Variants in LMNTD1 observed in about 807,000 individuals in gnomAD.
LMNTD1 encodes the protein lamin tail domain-containing protein 1.
A neutral mutation model predicts 50.9 loss-of-function variants in LMNTD1; 35 were observed. The ratio of observed to expected loss-of-function variants is 0.69; its 90% CI spans 0.53 to 0.91. The LOEUF (loss-of-function observed/expected upper bound fraction) is 0.91, where lower values mean the gene tolerates loss of function less well. Ranked by LOEUF, LMNTD1 falls within the 40% of genes least tolerant of loss-of-function variation. The pLI, the probability that LMNTD1 is intolerant of heterozygous loss-of-function variation, is 0.00. For missense variants in LMNTD1, 470 were observed against 475.5 expected (o/e 0.99, Z 0.11); for synonymous variants, 153 against 161.9 (o/e 0.94, Z 0.42).
chr12:25,507,909 C>T (rs1004432427), intron 8 of LMNTD1, among the ~76,000 whole-genome samples: 3 of 152,184 alleles, frequency 2.0e-5, no homozygotes, highest in Non-Finnish European at 4.4e-5. Flanking sequence ...TCCCAAGACA[C>T]TGCAACATAA....
At chr12:25,539,954 C>A (rs1302761994) in intron 4 of LMNTD1, among the ~76,000 whole-genome samples, 1 of 151,494 alleles carries the variant, frequency 6.6e-6, no homozygotes, top group African/African-American at 2.4e-5. Context: ...CACCTCTACA[C>A]AAATAAACTA....
intron 1 of LMNTD1, among the ~76,000 whole-genome samples, chr12:25,583,271 C>A (rs1002032266): frequency 4.0e-5 from 6 of 151,554 alleles, no homozygotes; most frequent in African/African-American, 1.5e-4. Context: ...TCGTGATCCA[C>A]CCGCCTCGGC....
Position 25,612,881 on chromosome 12 carries a change from G to A in LMNTD1, c.58+35613C>T, listed in dbSNP as rs529374884. Among the ~76,000 whole-genome samples the A allele has an allele frequency of 2.6e-5, 4 of 152,232 alleles. 1 individual carries two copies. In the East Asian group the frequency reaches 7.7e-4, roughly 29 times the overall value. The stretch of plus-strand genomic sequence containing the variant: ...AATAGATTAAGGATCTTGAGGTAAG[G>A]TGATCTCCTGCATTATCTGAGTGGG... On this transcript the variant is annotated intron_variant, in intron 1 of 7. Transcript: ENST00000445693.
chr12:25,591,565 A>G (rs1407287484), intron 1 of LMNTD1, among the ~76,000 whole-genome samples: 1 of 152,154 alleles, frequency 6.6e-6, no homozygotes, highest in Non-Finnish European at 1.5e-5. Flanking sequence ...ACCCCTGGAC[A>G]TGCCCAGGGC....
At position 25,517,640 on chromosome 12, in the gene LMNTD1, T is replaced by C. The variant is rs577039291; in HGVS notation, c.1189+1155A>G. Reference sequence around the variant, plus strand: ...AGTTAATGGGTGCAGCATACCAGCATGGCACATGTATACATATGTAACTAA... The same window carrying C: ...AGTTAATGGGTGCAGCATACCAGCACGGCACATGTATACATATGTAACTAA... On this transcript the variant is annotated intron_variant, in intron 8 of 9. Coordinates refer to ENST00000458174, the MANE Select transcript of LMNTD1 (RefSeq NM_001145728.2). Among the ~76,000 whole-genome samples the C allele has an allele frequency of 4.9e-4, 68 of 137,738 alleles. 1 individual carries two copies. Among genetic ancestry groups the C allele is most frequent in the Non-Finnish European group, 9.3e-4 (60 of 64,232 alleles). The allele number at this position is 137,738 out of a possible 152,430, so 90.4% of individuals were successfully genotyped here. A position where few individuals can be genotyped will look rare whatever the true frequency, so the allele number is the denominator to read the frequency against.
At chr12:25,643,740 G>T (rs897867566) in intron 1 of LMNTD1, among the ~76,000 whole-genome samples, 2 of 152,206 alleles carry the variant, frequency 1.3e-5, no homozygotes, top group Non-Finnish European at 2.9e-5. Context: ...AAAGAAGAAG[G>T]GAGGAGTGGC....
chr12:25,550,621 C>T (rs1469314844), intron 2 of LMNTD1, among the ~76,000 whole-genome samples: 1 of 152,144 alleles, frequency 6.6e-6, no homozygotes, highest in East Asian at 1.9e-4. Context: ...TTATGTTAGC[C>T]AACCTCTCCT....
At chr12:25,637,544 T>C (rs985781538) in intron 1 of LMNTD1, among the ~76,000 whole-genome samples, 5 of 152,146 alleles carry the variant, frequency 3.3e-5, no homozygotes, top group South Asian at 2.1e-4. Context: ...TGAAGATAGA[T>C]TGATAGACAT....
intron 9 of LMNTD1, among the ~76,000 whole-genome samples, chr12:25,490,732 C>G (rs1938855423): frequency 6.6e-6 from 1 of 152,110 alleles, no homozygotes; most frequent in South Asian, 2.1e-4. Context: ...CATTAATCAA[C>G]AAGAATCTAT....
At chr12:25,581,899 G>T (rs1216399982) in intron 1 of LMNTD1, among the ~76,000 whole-genome samples, 1 of 152,182 alleles carries the variant, frequency 6.6e-6, no homozygotes, top group Non-Finnish European at 1.5e-5. Context: ...CAGTAAAAAT[G>T]CAATAAAATG....
In LMNTD1 at chr12:25,541,174, GCCATCC is replaced by G. The variant is rs981239657; in HGVS notation, c.491+5194_491+5199del. 2.3e-4 allele frequency among the ~76,000 whole-genome samples: 18 copies of G among 78,402 alleles called. 3 individuals carry two copies. The highest frequency in any genetic ancestry group is 6.5e-4 in the African/African-American group (18 of 27,762). The allele number at this position is 78,402 out of a possible 152,430, so 51.4% of individuals were successfully genotyped here. On this transcript the variant is annotated intron_variant, in intron 4 of 9. Transcript: ENST00000458174. ...GCCCAAGGTAATTTACAGATTCAATGCCATCCCCATCAAGCTACCAATGCCTTTCTT... is the reference window on the plus strand; with the variant it reads ...GCCCAAGGTAATTTACAGATTCAATGCCATCAAGCTACCAATGCCTTTCTT...
chr12:25,573,613 G>GT (rs1221816379), intron 1 of LMNTD1, among the ~76,000 whole-genome samples: 2 of 152,084 alleles, frequency 1.3e-5, no homozygotes, highest in Non-Finnish European at 2.9e-5. Flanking sequence ...GCCCAGGTCC[G>GT]TGATGCCTAT....
chr12:25,630,704 C>T (rs1592121784), intron 1 of LMNTD1: 1 of 152,302 alleles, frequency 6.6e-6, no homozygotes, highest in Non-Finnish European at 1.5e-5. Flanking sequence ...TGCCTGGCAC[C>T]ACAGGGATCC....
intron 1 of LMNTD1, among the ~76,000 whole-genome samples, chr12:25,583,115 G>A (rs1443654762): frequency 2.0e-5 from 3 of 151,230 alleles, no homozygotes; most frequent in Non-Finnish European, 2.9e-5. Context: ...TCTACCTCCC[G>A]GGTTCACACC....
chr12:25,542,741 A>T (rs78060475), intron 4 of LMNTD1, among the ~76,000 whole-genome samples: 2 of 86,108 alleles, frequency 2.3e-5, no homozygotes, highest in South Asian at 3.2e-4. Context: ...TAAATTAAAT[A>T]AAAAAAGAAG....
intron 1 of LMNTD1, among the ~76,000 whole-genome samples, chr12:25,604,907 C>T (rs1946061345): frequency 1.3e-5 from 2 of 152,140 alleles, no homozygotes; most frequent in South Asian, 4.2e-4. Flanking sequence ...GTTCCAGATC[C>T]CTGAGGAATC....
chr12:25,509,159 G>A (rs1940061666), intron 8 of LMNTD1, among the ~76,000 whole-genome samples: 1 of 152,200 alleles, frequency 6.6e-6, no homozygotes, highest in African/African-American at 2.4e-5. Context: ...CCAGGCTGGA[G>A]TGCAATGGCG....
chr12:25,525,110 C>A (rs1344380354), intron 6 of LMNTD1, among the ~76,000 whole-genome samples: 3 of 152,036 alleles, frequency 2.0e-5, no homozygotes, highest in African/African-American at 7.2e-5. Context: ...TAAAAATGAT[C>A]TAAAAATCAT....
upstream of LMNTD1, among the ~76,000 whole-genome samples, chr12:25,554,454 C>G (rs1290523453): frequency 6.6e-6 from 1 of 152,194 alleles, no homozygotes; most frequent in Non-Finnish European, 1.5e-5. Context: ...ACTCATTCCC[C>G]ATAGTAGACA....
Sources: gnomAD v4.1 joint callset for allele counts (sites outside exome capture counted in the v4.1 genomes callset) on GRCh38, gnomAD v4.1.1 for gene constraint, MANE v1.5 for transcripts, NCBI Gene and HGNC (gene_info 2026-07-23, HGNC 2026-07-21) for gene names.